BCCIP: variants seen among roughly 807,000 people sequenced by gnomAD.
The protein encoded by BCCIP is BRCA2 and CDKN1A interacting protein.
A neutral mutation model predicts 32.8 loss-of-function variants in BCCIP; 23 were observed. That is an observed-to-expected ratio of 0.70 (90% CI 0.51 to 0.99). BCCIP has a LOEUF of 0.99. BCCIP is among the 50% of genes least tolerant of loss of function. The pLI, the probability that BCCIP is intolerant of heterozygous loss-of-function variation, is 0.00. For synonymous variants in BCCIP, 144 were observed against 137.6 expected, an observed-to-expected ratio of 1.05 and a Z score of -0.33; for missense variants, 378 against 379.8, an observed-to-expected ratio of 1.00 and a Z score of 0.04.
At chr10:125,833,671 G>C in intron 5 of BCCIP, 101 bp from the exon 6 acceptor site, 1 of 1,126,682 alleles carries the variant, frequency 8.9e-7, no homozygotes, top group South Asian at 1.4e-5. Context: ...CGTCACAGCA[G>C]AACCCACTGA....
intron 3 of BCCIP, 56 bp downstream of exon 3, chr10:125,827,694 C>A: frequency 1.5e-6 from 2 of 1,317,892 alleles, no homozygotes; most frequent in Non-Finnish European, 2.2e-6. Flanking sequence ...TCTGTTCATG[C>A]TGGGCCTCAC....
rs554642949 is a variant in BCCIP at position 125,834,984 on chromosome 10, T to A, written c.774+1038T>A. 1.3e-3 allele frequency among the ~76,000 whole-genome samples: 198 copies of A among 150,676 alleles called. 1 individual carries two copies. The highest frequency in any genetic ancestry group is 4.7e-3 in the African/African-American group (191 of 40,936). On this transcript the variant is annotated intron_variant, in intron 6 of 6. Coordinates refer to ENST00000278100, the MANE Select transcript of BCCIP (RefSeq NM_078468.3). ...CGTCTCTACTAAAAAATACAAAAAA[T>A]TAGCCGGGCGTGGTGGCACGTGCCT...
downstream of BCCIP, among the ~76,000 whole-genome samples, chr10:125,839,903 A>T (rs1459433048): frequency 2.0e-5 from 3 of 152,172 alleles, no homozygotes; most frequent in African/African-American, 7.2e-5. Context: ...GCATGTACTT[A>T]GTGTCACCCA....
downstream of BCCIP, chr10:125,840,784 G>A (rs1036938988): frequency 6.7e-7 from 1 of 1,494,664 alleles, no homozygotes; most frequent in Non-Finnish European, 9.0e-7. Flanking sequence ...AACTAATAAG[G>A]ACTCAGACTT....
At chr10:125,826,271 C>G (rs925706304) in intron 1 of BCCIP, 1 of 313,090 alleles carries the variant, frequency 3.2e-6, no homozygotes, top group Non-Finnish European at 5.9e-6. Context: ...GTAGTGTAAC[C>G]TCAAATCCAT....
Position 125,836,430 on chromosome 10 carries a change from G to T in BCCIP, c.*156G>T. 6.9e-7 allele frequency: 1 copy of T among 1,439,176 alleles called. No individual in the cohort carries two copies. Among genetic ancestry groups the T allele is most frequent in the Non-Finnish European group, 9.1e-7 (1 of 1,102,600 alleles). The allele number at this position is 1,439,176 out of a possible 1,614,324, so 89.2% of individuals were successfully genotyped here. A position where few individuals can be genotyped will look rare whatever the true frequency, so the allele number is the denominator to read the frequency against. ...TCTCTGACACATTTACAAAATACCA[G>T]TTTTTTAAAATTTTGGTCAAATTAT... On this transcript the variant is annotated 3_prime_UTR_variant, in exon 7 of 7. Transcript: ENST00000278100.
At chr10:125,826,720 C>T in intron 2 of BCCIP, 55 bp downstream of exon 2, 1 of 1,598,834 alleles carries the variant, frequency 6.3e-7, no homozygotes, top group Non-Finnish European at 8.5e-7. Context: ...AAATCAGGGG[C>T]CGGGTGCAGT....
exon 7 of BCCIP, chr10:125,841,966 T>C: frequency 6.5e-7 from 1 of 1,545,512 alleles, no homozygotes; most frequent in Non-Finnish European, 8.6e-7. Context: ...AATTTAAGAG[T>C]CTCATATGGC....
chr10:125,835,935 C>A (rs1164015817), intron 6 of BCCIP, among the ~76,000 whole-genome samples, 169 bp from the exon 7 acceptor site: 1 of 152,232 alleles, frequency 6.6e-6, no homozygotes, highest in African/African-American at 2.4e-5. Flanking sequence ...TGTTTTATAA[C>A]TTCTGCCTGA....
downstream of BCCIP, among the ~76,000 whole-genome samples, chr10:125,844,582 ATAAC>A (rs1268526092): frequency 2.6e-5 from 4 of 152,366 alleles, no homozygotes; most frequent in Admixed American, 6.5e-5. Context: ...ACATTAATAA[ATAAC>A]TAAATAGGAT....
Position 125,826,447 on chromosome 10 carries a change from T to C in BCCIP, c.166-144T>C, listed in dbSNP as rs151055358. 6.2e-3 allele frequency: 8,068 copies of C among 1,309,592 alleles called. 35 individuals are homozygous for C. Among genetic ancestry groups the C allele is most frequent in the Non-Finnish European group, 7.5e-3 (7,299 of 978,978 alleles). 81.1% of individuals were successfully genotyped at this position (1,309,592 alleles called of 1,614,324 possible). A position where few individuals can be genotyped will look rare whatever the true frequency, so the allele number is the denominator to read the frequency against. On this transcript the variant is annotated intron_variant, in intron 1 of 6. Coordinates refer to ENST00000278100, the MANE Select transcript of BCCIP (RefSeq NM_078468.3). ...CTAGGTTACTCTGAGTGTTTTGTTT[T>C]CTCAGGCTTTTGTGTCACCTGAAGA...
intron 7 of BCCIP, chr10:125,852,213 A>C (rs1944099859): frequency 2.0e-6 from 3 of 1,536,636 alleles, no homozygotes; most frequent in Non-Finnish European, 1.8e-6. Flanking sequence ...GCTGCGCATC[A>C]TGTGAACTCA....
intron 7 of BCCIP, among the ~76,000 whole-genome samples, chr10:125,851,666 C>A (rs1162534186): frequency 5.3e-5 from 8 of 152,122 alleles, no homozygotes; most frequent in Non-Finnish European, 1.0e-4. Context: ...AAATATACTT[C>A]TCTGGCATAT....
chr10:125,837,501 C>T (rs908781867), downstream of BCCIP, among the ~76,000 whole-genome samples: 4 of 152,186 alleles, frequency 2.6e-5, no homozygotes, highest in Non-Finnish European at 4.4e-5. Flanking sequence ...GACAGTACCT[C>T]ACTGCAGCCT....
intron 7 of BCCIP, chr10:125,853,083 T>C (rs1482940285): frequency 7.1e-7 from 1 of 1,413,936 alleles, no homozygotes; most frequent in African/African-American, 1.4e-5. Flanking sequence ...TAACAGCTAA[T>C]ACAGAAACTG....
rs553812127 is a variant in BCCIP at position 125,832,544 on chromosome 10, G to T, written c.599+937G>T. Among the ~76,000 whole-genome samples the T allele has an allele frequency of 6.5e-4, 97 of 149,636 alleles. 1 individual carries two copies. The South Asian group carries it at 0.02, about 31-fold the overall frequency. On this transcript the variant is annotated intron_variant, in intron 5 of 6. Coordinates refer to ENST00000278100, the MANE Select transcript of BCCIP (RefSeq NM_078468.3). ...GCTTCTGGTGCCTTAAGTGGTTTTT[G>T]TTTTTTTTTGGTTTTCTTTTTTTCT...
At chr10:125,825,764 C>G (rs1193940022) in intron 1 of BCCIP, 2 of 152,190 alleles carry the variant, frequency 1.3e-5, no homozygotes, top group East Asian at 3.8e-4. Context: ...TGTCACTTAT[C>G]AAGGTCTGAT....
Position 125,823,874 on chromosome 10 carries a change from C to T in BCCIP, c.165+152C>T, listed in dbSNP as rs376406043. ...GTTCTTTCTCAGGTTTCTCCTCGGT[C>T]TTTAACACACTGCAGCCATAGTAGT... is the stretch of plus-strand genomic sequence containing the variant. On this transcript the variant is annotated intron_variant, in intron 1 of 6. Coordinates refer to ENST00000278100, the MANE Select transcript of BCCIP (RefSeq NM_078468.3). 15 of 1,133,680 alleles carry T rather than the reference C, an allele frequency of 1.3e-5. No homozygotes were observed. In the East Asian group the frequency reaches 1.4e-4, roughly 11 times the overall value. 70.2% of individuals were successfully genotyped at this position (1,133,680 alleles called of 1,614,324 possible).
intron 6 of BCCIP, 57 bp downstream of exon 6, chr10:125,834,003 TTA>T: frequency 1.9e-6 from 3 of 1,564,146 alleles, no homozygotes; most frequent in Non-Finnish European, 2.6e-6. Context: ...TGAAAATGAT[TTA>T]TCAAGATTTA....
Sources: gnomAD v4.1 joint callset for allele counts (sites outside exome capture counted in the v4.1 genomes callset) on GRCh38, gnomAD v4.1.1 for gene constraint, MANE v1.5 for transcripts, NCBI Gene and HGNC (gene_info 2026-07-23, HGNC 2026-07-21) for gene names.